The following SOX6 variants were observed in gnomAD, a reference collection of about 807,000 sequenced individuals.
The protein encoded by SOX6 is transcription factor SOX-6.
Under a neutral mutation model 97.8 loss-of-function variants are expected in SOX6, and 11 were observed. The observed-to-expected ratio is 0.11, with a 90% CI of 0.07 to 0.19. The LOEUF (loss-of-function observed/expected upper bound fraction) is 0.19, where lower values mean the gene tolerates loss of function less well. Ranked by LOEUF, SOX6 falls within the 10% of genes least tolerant of loss-of-function variation. The pLI, the probability that SOX6 is intolerant of heterozygous loss-of-function variation, is 1.00. For missense variants in SOX6, 810 were observed against 1,039.5 expected, an observed-to-expected ratio of 0.78 and a Z score of 3.04; for synonymous variants, 360 against 371.4, an observed-to-expected ratio of 0.97 and a Z score of 0.35.
At position 16,300,691 on chromosome 11, in the gene SOX6, T is replaced by A. The variant is rs1352134071; in HGVS notation, c.445+17755A>T. On this transcript the variant is annotated intron_variant, in intron 3 of 15. Coordinates refer to ENST00000683767, the MANE Select transcript of SOX6 (RefSeq NM_001367873.1). The surrounding 1 kb of genome is among the most constrained non-coding windows in gnomAD (Gnocchi z 4.1). ...CAAGTGGGGCTAACGAAAACTGAAG[T>A]TCATCACCAGAGAAACCTGCGGCTG... Among the ~76,000 whole-genome samples the A allele has an allele frequency of 1.3e-5, 2 of 152,112 alleles. No individual in the cohort carries two copies. The highest frequency in any genetic ancestry group is 1.5e-5 in the Non-Finnish European group (1 of 68,026).
chr11:16,088,232 T>C (rs1323243475), intron 9 of SOX6, among the ~76,000 whole-genome samples: 1 of 152,106 alleles, frequency 6.6e-6, no homozygotes, highest in African/African-American at 2.4e-5. Context: ...GTCTCCCCCA[T>C]TATAAACAGC....
intron 9 of SOX6, among the ~76,000 whole-genome samples, chr11:16,070,036 T>C (rs1464720748): frequency 1.3e-5 from 2 of 152,088 alleles, no homozygotes; most frequent in Non-Finnish European, 2.9e-5. Flanking sequence ...GCGCCTGTAG[T>C]CCCAGCTACT....
At chr11:16,458,531 G>T (rs1328466583) in intron 1 of SOX6, among the ~76,000 whole-genome samples, 1 of 152,046 alleles carries the variant, frequency 6.6e-6, no homozygotes, top group Non-Finnish European at 1.5e-5. Flanking sequence ...ATAAGATAAA[G>T]CTTCACTGAT....
chr11:16,085,334 C>T (rs1336597615), intron 9 of SOX6, among the ~76,000 whole-genome samples: 2 of 151,940 alleles, frequency 1.3e-5, no homozygotes, highest in Admixed American at 6.6e-5. Context: ...AAAAAAATTG[C>T]TTTTTTTAAA....
At chr11:15,986,519 C>T (rs540354126) in intron 14 of SOX6, 99 bp from the exon 15 acceptor site, 27 of 1,147,558 alleles carry the variant, frequency 2.4e-5, no homozygotes, top group Admixed American at 5.6e-5. Flanking sequence ...CTCATCTGTG[C>T]GCTGGGTGGC....
intron 3 of SOX6, among the ~76,000 whole-genome samples, chr11:16,665,017 G>C (rs1049869910): frequency 2.8e-4 from 43 of 151,880 alleles, no homozygotes; most frequent in Non-Finnish European, 5.4e-4. Context: ...GCTGACTAAA[G>C]AGCCCTTGGG....
chr11:16,347,565 T>C (rs1369298732), intron 1 of SOX6, among the ~76,000 whole-genome samples: 2 of 152,136 alleles, frequency 1.3e-5, no homozygotes, highest in African/African-American at 4.8e-5. Flanking sequence ...TAAGTTCACT[T>C]TGAATTTCCT....
intron 6 of SOX6, among the ~76,000 whole-genome samples, chr11:16,178,722 T>C (rs928413941): frequency 6.6e-6 from 1 of 151,892 alleles, no homozygotes; most frequent in African/African-American, 2.4e-5. Context: ...GGAGATCCAT[T>C]ACCTGATCAA....
intron 4 of SOX6, among the ~76,000 whole-genome samples, chr11:16,230,923 T>C (rs2134170833): frequency 6.6e-6 from 1 of 151,862 alleles, no homozygotes; most frequent in East Asian, 1.9e-4. Context: ...AAAGATGCCA[T>C]TTCAAGTCAG....
Position 16,559,380 on chromosome 11 carries a change from G to A in SOX6, n.609+52701C>T, listed in dbSNP as rs369749731. On this transcript the variant is annotated intron_variant and non_coding_transcript_variant, in intron 4 of 5. Coordinates refer to the SOX6 transcript ENST00000524520. ...TTTCAAGTTTCAACAGACAGATACA[G>A]GCTAGTACAAAGTCTTTGCCATAAA... Among the ~76,000 whole-genome samples, 11 of 151,112 alleles carry A rather than the reference G, an allele frequency of 7.3e-5. No homozygotes were observed. In the South Asian group the frequency reaches 1.7e-3, roughly 23 times the overall value.
chr11:16,602,233 C>T (rs1470841929), intron 4 of SOX6, among the ~76,000 whole-genome samples: 1 of 152,032 alleles, frequency 6.6e-6, no homozygotes, highest in Non-Finnish European at 1.5e-5. Context: ...AGTTTTGCCA[C>T]TATAACTGAA....
At chr11:16,040,237 C>T (rs1810193005) in intron 12 of SOX6, among the ~76,000 whole-genome samples, 1 of 151,998 alleles carries the variant, frequency 6.6e-6, no homozygotes, top group African/African-American at 2.4e-5. Flanking sequence ...TGAACTTGTA[C>T]ACTTATATAT....
chr11:16,354,246 G>C (rs1363597964), intron 1 of SOX6, among the ~76,000 whole-genome samples: 2 of 151,898 alleles, frequency 1.3e-5, no homozygotes, highest in South Asian at 2.1e-4. Flanking sequence ...CAAATACCTG[G>C]TATTTGGTAG....
At chr11:16,492,511 G>C (rs918510622) in intron 4 of SOX6, among the ~76,000 whole-genome samples, 1 of 152,212 alleles carries the variant, frequency 6.6e-6, no homozygotes, top group Non-Finnish European at 1.5e-5. Flanking sequence ...AAGTGCTTCA[G>C]ACTCTCCTCC....
At chr11:16,139,836 C>T (rs921874859) in intron 6 of SOX6, among the ~76,000 whole-genome samples, 37 of 151,380 alleles carry the variant, frequency 2.4e-4, no homozygotes, top group Non-Finnish European at 4.9e-4. Context: ...ATATATAAAA[C>T]CACAAAGTCA....
intron 9 of SOX6, among the ~76,000 whole-genome samples, chr11:16,059,885 G>A (rs1298786871): frequency 6.6e-6 from 1 of 151,384 alleles, no homozygotes; most frequent in Non-Finnish European, 1.5e-5. Flanking sequence ...GATTAAGGCA[G>A]TGAAAAAAAG....
intron 4 of SOX6, among the ~76,000 whole-genome samples, chr11:16,546,695 G>A (rs552858913): frequency 2.6e-4 from 39 of 152,196 alleles, no homozygotes; most frequent in Admixed American, 1.1e-3. Flanking sequence ...TTCAGGACAC[G>A]ATCTAGGCAA....
chr11:16,317,550 C>T (rs1855787949), intron 3 of SOX6: 1 of 154,196 alleles, frequency 6.5e-6, no homozygotes, highest in Non-Finnish European at 1.4e-5. Flanking sequence ...AACAGGGAAG[C>T]ATGCAATATA....
intron 3 of SOX6, among the ~76,000 whole-genome samples, chr11:16,678,146 T>C (rs1410262636): frequency 6.6e-6 from 1 of 152,192 alleles, no homozygotes; most frequent in Non-Finnish European, 1.5e-5. Flanking sequence ...CTCTATTTCA[T>C]TAATTTTCAT....
Sources: allele counts gnomAD v4.1 joint callset (sites outside exome capture counted in the v4.1 genomes callset), GRCh38; gene constraint gnomAD v4.1.1; non-coding constraint Gnocchi (gnomAD v3.1); transcripts MANE v1.5; gene names NCBI Gene and HGNC (gene_info 2026-07-23, HGNC 2026-07-21).